TBC1D14: variants seen among roughly 807,000 people sequenced by gnomAD.
TBC1D14 encodes the protein TBC1 domain family member 14.
A neutral mutation model predicts 79.0 loss-of-function variants in TBC1D14; 26 were observed. That is an observed-to-expected ratio of 0.33 (90% CI 0.24 to 0.46). The LOEUF (loss-of-function observed/expected upper bound fraction) is 0.46. TBC1D14 is among the 20% of genes least tolerant of loss of function. The pLI, the probability that TBC1D14 is intolerant of heterozygous loss-of-function variation, is 1.00. For missense variants in TBC1D14, 769 were observed against 887.6 expected (o/e 0.87, Z 1.70); for synonymous variants, 394 against 349.9 (o/e 1.13, Z -1.40).
intron 12 of TBC1D14, 146 bp from the exon 13 acceptor site, chr4:7,024,858 A>G (rs1722185913): frequency 2.0e-6 from 2 of 990,696 alleles, no homozygotes; most frequent in Non-Finnish European, 3.0e-6. Context: ...ATTACCCTTC[A>G]GTGTGAGTGC....
At chr4:6,924,655 A>G (rs1724143298) in intron 2 of TBC1D14, among the ~76,000 whole-genome samples, 1 of 152,052 alleles carries the variant, frequency 6.6e-6, no homozygotes, top group African/African-American at 2.4e-5. Flanking sequence ...ATGCATTCCC[A>G]ACGTGCTGGG....
At chr4:6,931,635 G>C (rs2108946936) in intron 2 of TBC1D14, among the ~76,000 whole-genome samples, 1 of 152,224 alleles carries the variant, frequency 6.6e-6, no homozygotes, top group South Asian at 2.1e-4. Context: ...TGCTTGTAAG[G>C]GTGTGCTGCT....
At position 6,994,277 on chromosome 4, in the gene TBC1D14, G is replaced by T; in HGVS notation, c.937G>T (p.Ala313Ser). 6.2e-7 allele frequency: 1 copy of T among 1,614,060 alleles called. No individual in the cohort carries two copies. The highest frequency in any genetic ancestry group is 8.5e-7 in the Non-Finnish European group (1 of 1,179,978). The stretch of plus-strand genomic sequence containing the variant: ...TGACTTTGAACCACTTTCCACCACC[G>T]CACTCATCCTCGAGGACAGACCAGC... ...NLDFEPLSTT[A>S]LILEDRPANL... is the part of the protein sequence containing the mutation. Residue 313 changes from alanine to serine, a missense_variant, in exon 4 of 14, where the codon GCA (alanine) becomes TCA (serine). Around this residue, in one of 2 missense-constraint regions of TBC1D14, gnomAD observed 367 missense variants for 494.4 expected, o/e 0.74. Coordinates refer to ENST00000409757, the MANE Select transcript of TBC1D14 (RefSeq NM_020773.3).
At chr4:6,978,976 A>G (rs1717112205) in intron 3 of TBC1D14, among the ~76,000 whole-genome samples, 1 of 152,160 alleles carries the variant, frequency 6.6e-6, no homozygotes, top group Non-Finnish European at 1.5e-5. Context: ...AGGACAAGTG[A>G]AATACAAAAG....
intron 1 of TBC1D14, among the ~76,000 whole-genome samples, chr4:6,913,247 G>A (rs1484872569): frequency 6.6e-6 from 1 of 152,112 alleles, no homozygotes; most frequent in African/African-American, 2.4e-5. Flanking sequence ...CACCTGCCTG[G>A]GCCTCCCAAA....
Position 6,923,991 on chromosome 4 carries a change from CCAA to C in TBC1D14, c.604_606del (p.Asn202del), listed in dbSNP as rs1724073659. On this transcript the variant is annotated inframe_deletion, in exon 2 of 14. Transcript: ENST00000409757. ...GAGAATGACGATGACCCACAGTTTA[CCAA>C]CGTCACCTTGAGCTCTATCAAGGAA... is the stretch of plus-strand genomic sequence containing the variant. 2 of 1,614,028 alleles carry C rather than the reference CCAA, an allele frequency of 1.2e-6. No homozygotes were observed. The highest frequency in any genetic ancestry group is 2.7e-5 in the African/African-American group (2 of 74,936).
intron 6 of TBC1D14, among the ~76,000 whole-genome samples, chr4:7,000,159 C>T (rs1023539855): frequency 3.3e-5 from 5 of 152,102 alleles, no homozygotes; most frequent in Non-Finnish European, 5.9e-5. Flanking sequence ...TACCTGTTCT[C>T]GCATGGGATC....
intron 9 of TBC1D14, among the ~76,000 whole-genome samples, chr4:7,009,504 G>A (rs539922569): frequency 2.3e-4 from 35 of 152,288 alleles, no homozygotes; most frequent in Non-Finnish European, 3.7e-4. Context: ...AGTGGGAGAC[G>A]GCCTGAGTGA....
intron 2 of TBC1D14, among the ~76,000 whole-genome samples, chr4:6,935,048 G>A (rs1244721658): frequency 6.6e-6 from 1 of 152,178 alleles, no homozygotes; most frequent in Non-Finnish European, 1.5e-5. Context: ...ATCACCAGGG[G>A]TCTGCTGCAC....
intron 3 of TBC1D14, among the ~76,000 whole-genome samples, chr4:6,990,159 C>A (rs1480648675): frequency 1.3e-5 from 2 of 152,156 alleles, no homozygotes. Context: ...GTTCTAAATT[C>A]CTTCTGGGGG....
At chr4:7,014,669 T>C in intron 12 of TBC1D14, 112 bp downstream of exon 12, 1 of 722,984 alleles carries the variant, frequency 1.4e-6, no homozygotes, top group South Asian at 1.6e-5. Flanking sequence ...TATCCTGCTT[T>C]CCAGCCTTCC....
chr4:7,018,390 C>T (rs994473149), intron 12 of TBC1D14, among the ~76,000 whole-genome samples: 2 of 152,148 alleles, frequency 1.3e-5, no homozygotes, highest in Admixed American at 6.5e-5. Context: ...TCAGAAAAAT[C>T]TCCTGTCCTG....
chr4:6,950,392 C>G (rs1268877545), intron 2 of TBC1D14, among the ~76,000 whole-genome samples: 3 of 152,164 alleles, frequency 2.0e-5, no homozygotes, highest in African/African-American at 7.2e-5. Flanking sequence ...TCAACTCTTA[C>G]ACCTTTCATT....
At chr4:6,955,065 G>A (rs140196715) in intron 2 of TBC1D14, among the ~76,000 whole-genome samples, 43 of 152,324 alleles carry the variant, frequency 2.8e-4, no homozygotes, top group African/African-American at 7.2e-4. Flanking sequence ...TTCTTTCTTC[G>A]TGTTTCCTGT....
chr4:6,969,446 C>T (rs569000582), intron 3 of TBC1D14, among the ~76,000 whole-genome samples: 27 of 152,116 alleles, frequency 1.8e-4, no homozygotes, highest in African/African-American at 6.0e-4. Context: ...CACTCTGTCG[C>T]CCAGGCTGGA....
intron 5 of TBC1D14, among the ~76,000 whole-genome samples, chr4:6,997,756 CCAAT>C (rs545855203): frequency 1.3e-5 from 2 of 152,156 alleles, no homozygotes; most frequent in African/African-American, 2.4e-5. Flanking sequence ...CTAAGTGAAA[CCAAT>C]CAATCAAAAC....
intron 13 of TBC1D14, among the ~76,000 whole-genome samples, chr4:7,028,475 G>A (rs1470356990): frequency 6.6e-6 from 1 of 150,928 alleles, no homozygotes; most frequent in Non-Finnish European, 1.5e-5. Flanking sequence ...TGCCCAGGCT[G>A]GAGTGCAGTG....
intron 2 of TBC1D14, among the ~76,000 whole-genome samples, chr4:6,946,080 T>C (rs4689567): frequency 0.89 from 135,195 of 152,082 alleles, 60,185 homozygotes; most frequent in East Asian, 0.97. Context: ...TATCGCACGA[T>C]CTGAGGCAAG....
chr4:6,938,956 G>A (rs527261966), intron 2 of TBC1D14, among the ~76,000 whole-genome samples: 57 of 152,022 alleles, frequency 3.7e-4, no homozygotes, highest in African/African-American at 1.1e-3. Flanking sequence ...GTGCAGCAGC[G>A]GCGCCATCCC....
Sources: gnomAD v4.1 joint callset for allele counts (sites outside exome capture counted in the v4.1 genomes callset) on GRCh38, gnomAD v4.1.1 for gene constraint, gnomAD v4.1.1 regional missense constraint, MANE v1.5 for transcripts, NCBI Gene and HGNC (gene_info 2026-07-23, HGNC 2026-07-21) for gene names.